Variants in CCDC158 observed in about 807,000 individuals in gnomAD.
CCDC158 encodes coiled-coil domain containing 158, also known as coiled-coil domain-containing protein 158.
In CCDC158, 116 loss-of-function variants were observed where a neutral mutation model predicts 138.6. The ratio of observed to expected loss-of-function variants is 0.84; its 90% CI spans 0.72 to 0.98. CCDC158 has a LOEUF of 0.98. Ranked by LOEUF, CCDC158 falls within the 50% of genes least tolerant of loss-of-function variation. The pLI is 0.00. For synonymous variants in CCDC158, 436 were observed against 442.4 expected, an observed-to-expected ratio of 0.99 and a Z score of 0.18; for missense variants, 1,265 against 1,306.1, an observed-to-expected ratio of 0.97 and a Z score of 0.48.
intron 24 of CCDC158, 45 bp downstream of exon 24, chr4:76,323,257 C>T: frequency 7.2e-7 from 1 of 1,383,712 alleles, no homozygotes; most frequent in East Asian, 2.3e-5. Flanking sequence ...AGAAGGTGAA[C>T]ATTCTCATGA....
At chr4:76,348,686 T>TCTAG (rs1722793086) in intron 18 of CCDC158, among the ~76,000 whole-genome samples, 1 of 152,144 alleles carries the variant, frequency 6.6e-6, no homozygotes, top group Non-Finnish European at 1.5e-5. Context: ...AATACCACAA[T>TCTAG]TTCTAAAATG....
chr4:76,401,982 A>G (rs1214061559), intron 3 of CCDC158: 2 of 152,288 alleles, frequency 1.3e-5, no homozygotes, highest in African/African-American at 4.8e-5. Context: ...TGTTTATACA[A>G]TAATGGTGCT....
intron 19 of CCDC158, among the ~76,000 whole-genome samples, chr4:76,332,730 A>G (rs1326810864): frequency 6.6e-6 from 1 of 152,238 alleles, no homozygotes; most frequent in Non-Finnish European, 1.5e-5. Context: ...GGACATTTAT[A>G]GGATTATAGC....
intron 11 of CCDC158, among the ~76,000 whole-genome samples, chr4:76,368,407 G>A (rs766456207): frequency 6.6e-6 from 1 of 152,154 alleles, no homozygotes; most frequent in Non-Finnish European, 1.5e-5. Context: ...CTAACTTCCA[G>A]TTGGTCCTTT....
chr4:76,336,984 C>A (rs1053957040), intron 18 of CCDC158, among the ~76,000 whole-genome samples: 9 of 151,448 alleles, frequency 5.9e-5, no homozygotes, highest in African/African-American at 2.2e-4. Flanking sequence ...ATAGAAATGT[C>A]TTTTTTTTTC....
intron 4 of CCDC158, among the ~76,000 whole-genome samples, chr4:76,394,805 T>C (rs543442733): frequency 6.6e-6 from 1 of 151,934 alleles, no homozygotes; most frequent in Non-Finnish European, 1.5e-5. Flanking sequence ...AAACAGTGAT[T>C]CCTGGAAACC....
intron 2 of CCDC158, among the ~76,000 whole-genome samples, chr4:76,404,881 A>C (rs1348441117): frequency 6.6e-6 from 1 of 151,138 alleles, no homozygotes; most frequent in South Asian, 2.1e-4. Flanking sequence ...AGAAAAGAAG[A>C]CAAAAAAAAG....
intron 20 of CCDC158, 133 bp downstream of exon 20, chr4:76,332,299 C>T (rs1721075390): frequency 1.6e-6 from 1 of 640,968 alleles, no homozygotes; most frequent in South Asian, 1.9e-5. Context: ...TTCTTAAAGT[C>T]AGTTAAACAA....
intron 4 of CCDC158, among the ~76,000 whole-genome samples, chr4:76,387,339 A>C (rs1180061284): frequency 9.2e-5 from 14 of 152,066 alleles, no homozygotes; most frequent in Non-Finnish European, 2.9e-5. Flanking sequence ...AAGGGAACCC[A>C]TTGCCTTGAA....
chr4:76,402,585 G>T (rs1475646693), intron 3 of CCDC158, among the ~76,000 whole-genome samples: 1 of 151,996 alleles, frequency 6.6e-6, no homozygotes. Context: ...CAACACCTAT[G>T]TAACCATTCC....
chr4:76,418,702 G>A (rs931382195), intron 1 of CCDC158, among the ~76,000 whole-genome samples: 1 of 152,126 alleles, frequency 6.6e-6, no homozygotes, highest in Non-Finnish European at 1.5e-5. Context: ...CACGAGAACA[G>A]CACAGGAAAG....
rs141062399 is a variant in CCDC158, at chr4:76,420,525, A to G, written c.-117+440T>C. Among the ~76,000 whole-genome samples, 1,155 of 152,314 alleles carry G rather than the reference A, an allele frequency of 7.6e-3. 4 individuals carry two copies. Among genetic ancestry groups the G allele is most frequent in the Non-Finnish European group, 0.011 (775 of 68,034 alleles). On this transcript the variant is annotated intron_variant, in intron 1 of 24. Transcript: ENST00000682701. ...AAGCTCTGACCCCCACATGTGGTTT[A>G]AAGACAGGGCTCAAGCTGAAAGGGC...
intron 2 of CCDC158, among the ~76,000 whole-genome samples, chr4:76,407,707 C>A (rs1027303270): frequency 1.3e-5 from 2 of 152,078 alleles, no homozygotes; most frequent in Non-Finnish European, 2.9e-5. Flanking sequence ...GAACCACAAC[C>A]AAATACTGGC....
intron 18 of CCDC158, among the ~76,000 whole-genome samples, chr4:76,342,441 C>T (rs920248905): frequency 1.3e-5 from 2 of 152,154 alleles, no homozygotes; most frequent in Non-Finnish European, 2.9e-5. Flanking sequence ...GCACTTACCT[C>T]ATGTTAAGTA....
At chr4:76,411,049 A>G (rs1729256402) in intron 2 of CCDC158, among the ~76,000 whole-genome samples, 1 of 152,218 alleles carries the variant, frequency 6.6e-6, no homozygotes, top group Admixed American at 6.5e-5. Flanking sequence ...GCCTTCCTAC[A>G]TAGTAACTGC....
chr4:76,344,814 A>T, intron 18 of CCDC158: 2 of 1,603,002 alleles, frequency 1.2e-6, no homozygotes, highest in Non-Finnish European at 1.7e-6. Context: ...TCGAGAGAAG[A>T]TGCAGAAACC....
rs752904443 is a variant in CCDC158 at position 76,367,770 on chromosome 4, C to A, written c.1354G>T (p.Ala452Ser). 4.6e-5 allele frequency: 73 copies of A among 1,597,412 alleles called. 2 individuals carry two copies. In the South Asian group the frequency reaches 8.2e-4, roughly 18 times the overall value. Reference protein sequence around the residue: ...CQGQMERQMAAIQGKNESLEK... With the variant: ...CQGQMERQMASIQGKNESLEK... ...AGACTTTCATTCTTTCCTTGAATTG[C>A]TGCCATCTGATTGTTAAAGAAAAGA... is the stretch of plus-strand genomic sequence containing the variant. Residue 452 changes from alanine to serine, a missense_variant, in exon 12 of 25, where the codon GCA (alanine) becomes TCA (serine). Coordinates refer to ENST00000682701, the MANE Select transcript of CCDC158 (RefSeq NM_001394954.1).
chr4:76,418,631 G>A (rs1167366894), intron 1 of CCDC158, among the ~76,000 whole-genome samples: 1 of 152,188 alleles, frequency 6.6e-6, no homozygotes, highest in Non-Finnish European at 1.5e-5. Flanking sequence ...GCAAGAGAGA[G>A]CTTGTGCAGG....
intron 18 of CCDC158, chr4:76,344,579 T>C (rs1722364678): frequency 8.4e-7 from 1 of 1,189,392 alleles, no homozygotes; most frequent in Admixed American, 1.7e-5. Context: ...ACCTGAATGT[T>C]GATCCCTCGC....
Sources: gnomAD v4.1 joint callset for allele counts (sites outside exome capture counted in the v4.1 genomes callset) on GRCh38, gnomAD v4.1.1 for gene constraint, MANE v1.5 for transcripts, NCBI Gene and HGNC (gene_info 2026-07-23, HGNC 2026-07-21) for gene names.